GALNT13: variants seen among roughly 807,000 people sequenced by gnomAD.
The protein encoded by GALNT13 is polypeptide N-acetylgalactosaminyltransferase 13.
In GALNT13, 28 loss-of-function variants were observed where a neutral mutation model predicts 64.2. That is an observed-to-expected ratio of 0.44 (90% CI 0.32 to 0.60). GALNT13 has a LOEUF of 0.60. Among genes scored for constraint, GALNT13 ranks in the 20% least tolerant of loss-of-function variants. The pLI, the probability that GALNT13 is intolerant of heterozygous loss-of-function variation, is 0.05. For synonymous variants in GALNT13, 214 were observed against 224.6 expected (o/e 0.95, Z 0.42); for missense variants, 577 against 669.8 (o/e 0.86, Z 1.53).
At chr2:153,364,258 A>G in the GALNT13 span, among the ~76,000 whole-genome samples, 1 of 152,204 alleles carries the variant, frequency 6.6e-6, no homozygotes, top group Non-Finnish European at 1.5e-5. Context: ...GGAGCTGTTT[A>G]TGACAAATCC....
chr2:153,218,412 T>C, the GALNT13 span, among the ~76,000 whole-genome samples: 1 of 152,154 alleles, frequency 6.6e-6, no homozygotes. Context: ...TTCCTCTTAG[T>C]CGTTAAGAGG....
chr2:153,146,494 T>G, the GALNT13 span, among the ~76,000 whole-genome samples: 76 of 152,010 alleles, frequency 5.0e-4, no homozygotes, highest in Non-Finnish European at 8.4e-4. Context: ...TCTAACTGAC[T>G]GTAATTATAG....
At chr2:153,424,029 T>A in the GALNT13 span, among the ~76,000 whole-genome samples, 1 of 150,588 alleles carries the variant, frequency 6.6e-6, no homozygotes, top group Non-Finnish European at 1.5e-5. Flanking sequence ...AAAATTTAAC[T>A]GAAAAAAAGT....
chr2:153,651,045 C>A, the GALNT13 span, among the ~76,000 whole-genome samples: 2 of 151,996 alleles, frequency 1.3e-5, no homozygotes, highest in Admixed American at 1.3e-4. Flanking sequence ...GTCTGTTATT[C>A]AAAATAAATA....
chr2:153,319,566 A>G, the GALNT13 span, among the ~76,000 whole-genome samples: 2 of 152,182 alleles, frequency 1.3e-5, no homozygotes, highest in African/African-American at 4.8e-5. Flanking sequence ...GGTGTGAGCC[A>G]CTGCACCCAG....
At chr2:153,674,883 G>T in the GALNT13 span, among the ~76,000 whole-genome samples, 2 of 151,992 alleles carry the variant, frequency 1.3e-5, no homozygotes, top group Non-Finnish European at 2.9e-5. Context: ...AAAATTGAGC[G>T]AAGGATATGA....
At chr2:154,306,715 G>A (rs998519705) in intron 9 of GALNT13, among the ~76,000 whole-genome samples, 3 of 151,826 alleles carry the variant, frequency 2.0e-5, no homozygotes, top group African/African-American at 7.3e-5. Context: ...TTCCTGGGTG[G>A]GATCACAGAA....
intron 3 of GALNT13, among the ~76,000 whole-genome samples, chr2:154,078,516 C>T (rs1042829437): frequency 6.6e-6 from 1 of 151,470 alleles, no homozygotes; most frequent in Non-Finnish European, 1.5e-5. Context: ...GTTCTTTCTT[C>T]ATCTTTCTTT....
chr2:153,222,307 TGGGGGGGGGGGGGGGGGGGTGGGGTG>T, the GALNT13 span, among the ~76,000 whole-genome samples: 1 of 6,328 alleles, frequency 1.6e-4, no homozygotes, highest in Non-Finnish European at 5.8e-4. Context: ...TGAGTCTGGC[TGGGGGGGGGGGGGGGGGGGTGGGGTG>T]GGGGGGGGGG....
intron 3 of GALNT13, among the ~76,000 whole-genome samples, chr2:154,031,997 G>A (rs925481944): frequency 6.6e-6 from 1 of 151,816 alleles, no homozygotes; most frequent in African/African-American, 2.4e-5. Context: ...TTATAGATTT[G>A]ATGCTTATAT....
At chr2:153,543,497 G>A in the GALNT13 span, among the ~76,000 whole-genome samples, 2 of 152,170 alleles carry the variant, frequency 1.3e-5, no homozygotes, top group Non-Finnish European at 2.9e-5. Context: ...TATATAAATT[G>A]ATAATTATAC....
At chr2:154,202,346 A>G (rs1435128054) in intron 4 of GALNT13, among the ~76,000 whole-genome samples, 2 of 151,962 alleles carry the variant, frequency 1.3e-5, no homozygotes, top group Admixed American at 1.3e-4. Flanking sequence ...ATGAAGTTCT[A>G]TTTTTCAGGG....
intron 2 of GALNT13, among the ~76,000 whole-genome samples, chr2:153,907,721 A>T (rs1688673423): frequency 6.6e-6 from 1 of 152,030 alleles, no homozygotes; most frequent in South Asian, 2.1e-4. Flanking sequence ...ATGTTACTGC[A>T]AAGGATATGA....
At chr2:153,521,669 C>T in the GALNT13 span, among the ~76,000 whole-genome samples, 3 of 152,150 alleles carry the variant, frequency 2.0e-5, no homozygotes, top group Non-Finnish European at 4.4e-5. Flanking sequence ...TTTCATGGCC[C>T]TCAAAATCAT....
chr2:153,526,175 C>T, the GALNT13 span, among the ~76,000 whole-genome samples: 2 of 152,226 alleles, frequency 1.3e-5, no homozygotes, highest in Non-Finnish European at 2.9e-5. Flanking sequence ...TTGCCATCTG[C>T]TGATTGTAGA....
At chr2:153,471,898 T>C in the GALNT13 span, among the ~76,000 whole-genome samples, 1 of 152,194 alleles carries the variant, frequency 6.6e-6, no homozygotes, top group African/African-American at 2.4e-5. Flanking sequence ...AAATAAATAA[T>C]GTAAAACAAA....
intron 3 of GALNT13, among the ~76,000 whole-genome samples, chr2:154,053,630 T>C (rs942611752): frequency 6.6e-6 from 1 of 152,208 alleles, no homozygotes; most frequent in Non-Finnish European, 1.5e-5. Flanking sequence ...TGATGAAATA[T>C]ATAGAGTATT....
At chr2:153,691,651 C>A in the GALNT13 span, among the ~76,000 whole-genome samples, 10 of 151,962 alleles carry the variant, frequency 6.6e-5, no homozygotes, top group Admixed American at 5.9e-4. Context: ...AAGAAAAAAA[C>A]CCTCAATTTT....
At chr2:153,368,194 T>C in the GALNT13 span, among the ~76,000 whole-genome samples, 3 of 152,156 alleles carry the variant, frequency 2.0e-5, no homozygotes, top group Non-Finnish European at 4.4e-5. Context: ...GAAACTCGAA[T>C]CCTCAAAGTG....
Sources: gnomAD v4.1 joint callset for allele counts (sites outside exome capture counted in the v4.1 genomes callset) on GRCh38, gnomAD v4.1.1 for gene constraint, MANE v1.5 for transcripts, NCBI Gene and HGNC (gene_info 2026-07-23, HGNC 2026-07-21) for gene names.